The following SOX6 variants were observed in gnomAD, a reference collection of about 807,000 sequenced individuals.
SOX6 encodes the protein transcription factor SOX-6.
Under a neutral mutation model 97.8 loss-of-function variants are expected in SOX6, and 11 were observed. The observed-to-expected ratio is 0.11, with a 90% CI of 0.07 to 0.19. The LOEUF is 0.19. SOX6 is among the 10% of genes least tolerant of loss of function. SOX6 has a pLI of 1.00. For missense variants in SOX6, 810 were observed against 1,039.5 expected (o/e 0.78, Z 3.04); for synonymous variants, 360 against 371.4 (o/e 0.97, Z 0.35).
intron 9 of SOX6, among the ~76,000 whole-genome samples, chr11:16,066,519 GA>G (rs1457371649): frequency 6.6e-6 from 1 of 152,128 alleles, no homozygotes; most frequent in Non-Finnish European, 1.5e-5. Flanking sequence ...ATCAACAGAT[GA>G]ATGAGTAAAG....
chr11:16,098,169 A>C (rs1010764933), intron 7 of SOX6, among the ~76,000 whole-genome samples: 1 of 151,806 alleles, frequency 6.6e-6, no homozygotes, highest in Non-Finnish European at 1.5e-5. Context: ...AAAAATTAAA[A>C]AATACAACCT....
intron 1 of SOX6, among the ~76,000 whole-genome samples, chr11:16,437,622 A>AAGTCT (rs1395742812): frequency 6.6e-6 from 1 of 152,198 alleles, no homozygotes; most frequent in East Asian, 1.9e-4. Flanking sequence ...GCAATTCAGG[A>AAGTCT]CCCATAGCAT....
At chr11:16,020,125 C>G (rs1459229103) in intron 12 of SOX6, among the ~76,000 whole-genome samples, 2 of 152,184 alleles carry the variant, frequency 1.3e-5, no homozygotes, top group Non-Finnish European at 1.5e-5. Flanking sequence ...GCTTCCCCTC[C>G]TTTCCTGTGT....
At chr11:16,033,820 C>T (rs999092526) in intron 12 of SOX6, among the ~76,000 whole-genome samples, 4 of 151,668 alleles carry the variant, frequency 2.6e-5, no homozygotes, top group Admixed American at 2.0e-4. Flanking sequence ...TGTGGTGAGC[C>T]GAGATCGTGC....
chr11:16,243,750 ATAAAAATG>A (rs1244457250), intron 3 of SOX6, among the ~76,000 whole-genome samples: 8 of 151,986 alleles, frequency 5.3e-5, no homozygotes, highest in Non-Finnish European at 1.0e-4. Context: ...CTTGAATTTC[ATAAAAATG>A]AAAGTATACA....
intron 4 of SOX6, among the ~76,000 whole-genome samples, chr11:16,602,356 C>G (rs1590002493): frequency 1.3e-5 from 2 of 152,238 alleles, no homozygotes; most frequent in East Asian, 3.9e-4. Context: ...TATCGGGATC[C>G]TGCTTACTTA....
rs187261978 is a variant in SOX6 at position 16,499,786 on chromosome 11, A to C, written n.610-23398T>G. Reference sequence around the variant, plus strand: ...AAGAAGTTGAATCTCTGAATAGACCAATAACAGGCTCTGAAATTGAGGCAA... The same window carrying C: ...AAGAAGTTGAATCTCTGAATAGACCCATAACAGGCTCTGAAATTGAGGCAA... On this transcript the variant is annotated intron_variant and non_coding_transcript_variant, in intron 4 of 5. Transcript: ENST00000524520. Among the ~76,000 whole-genome samples the C allele has an allele frequency of 4.6e-3, 707 of 152,330 alleles. 9 individuals are homozygous for C. Among genetic ancestry groups the C allele is most frequent in the African/African-American group, 0.016 (668 of 41,582 alleles).
At chr11:16,065,567 G>C (rs184141585) in intron 9 of SOX6, among the ~76,000 whole-genome samples, 1 of 151,872 alleles carries the variant, frequency 6.6e-6, no homozygotes, top group Non-Finnish European at 1.5e-5. Context: ...AGGCACATAG[G>C]CCAATGGAAC....
chr11:16,061,679 C>T (rs1847959731), intron 9 of SOX6, among the ~76,000 whole-genome samples: 1 of 151,914 alleles, frequency 6.6e-6, no homozygotes, highest in South Asian at 2.1e-4. Context: ...CAGTATGGTA[C>T]TTGTGTAAAA....
intron 3 of SOX6, chr11:16,318,242 A>C: frequency 1.7e-6 from 1 of 599,958 alleles, no homozygotes. Flanking sequence ...AAATGCACAA[A>C]GTTTTAGAAA....
chr11:16,076,417 AAAAG>A (rs1421412530), intron 9 of SOX6, among the ~76,000 whole-genome samples: 29 of 152,044 alleles, frequency 1.9e-4, no homozygotes, highest in African/African-American at 6.7e-4. Context: ...AAAAAAAAAA[AAAAG>A]AACCCCAGTA....
At chr11:16,727,737 G>A (rs1848318301) in intron 2 of SOX6, among the ~76,000 whole-genome samples, 1 of 151,796 alleles carries the variant, frequency 6.6e-6, no homozygotes, top group East Asian at 1.9e-4. Context: ...CACATCCAGA[G>A]ACATATTACT....
chr11:16,053,380 G>C (rs908969545), intron 10 of SOX6, among the ~76,000 whole-genome samples: 8 of 151,910 alleles, frequency 5.3e-5, no homozygotes, highest in Non-Finnish European at 8.8e-5. Context: ...TGTTTATTTA[G>C]GATCTCTCCC....
intron 1 of SOX6, among the ~76,000 whole-genome samples, chr11:16,351,016 T>G (rs1434581324): frequency 6.6e-6 from 1 of 152,174 alleles, no homozygotes; most frequent in Non-Finnish European, 1.5e-5. Context: ...TTCTCTATAC[T>G]GTTTTTATCA....
intron 3 of SOX6, among the ~76,000 whole-genome samples, chr11:16,249,047 G>T (rs1421797931): frequency 6.6e-6 from 1 of 150,402 alleles, no homozygotes. Context: ...GTTGCAGTGA[G>T]CCAAGATCGC....
At chr11:16,136,027 C>T (rs1849951452) in intron 6 of SOX6, among the ~76,000 whole-genome samples, 1 of 151,970 alleles carries the variant, frequency 6.6e-6, no homozygotes, top group Non-Finnish European at 1.5e-5. Flanking sequence ...TGATCATTAG[C>T]ATTTTTTTTT....
rs143133529 is a variant in SOX6 at position 16,649,749 on chromosome 11, G to A, written n.430-37489C>T. Among the ~76,000 whole-genome samples, 1,083 of 151,906 alleles carry A rather than the reference G, an allele frequency of 7.1e-3. 9 individuals are homozygous for A. The highest frequency in any genetic ancestry group is 0.025 in the African/African-American group (1,033 of 41,446). ...AAAAGGTTTTAAGGCAACAATTAAC[G>A]TGATGAATAGAACAGTACATAACAT... On this transcript the variant is annotated intron_variant and non_coding_transcript_variant, in intron 3 of 5. Transcript: ENST00000524520.
chr11:16,066,598 A>C (rs1490960241), intron 9 of SOX6, among the ~76,000 whole-genome samples: 1 of 152,194 alleles, frequency 6.6e-6, no homozygotes, highest in East Asian at 1.9e-4. Flanking sequence ...CATTTGCAAC[A>C]ACATGATGGA....
chr11:16,136,211 G>C (rs940754246), intron 6 of SOX6, among the ~76,000 whole-genome samples: 3 of 151,768 alleles, frequency 2.0e-5, no homozygotes, highest in Non-Finnish European at 2.9e-5. Flanking sequence ...GTAGAGACGG[G>C]GTTTCACCAT....
Sources: gnomAD v4.1 joint callset for allele counts (sites outside exome capture counted in the v4.1 genomes callset) on GRCh38, gnomAD v4.1.1 for gene constraint, MANE v1.5 for transcripts, NCBI Gene and HGNC (gene_info 2026-07-23, HGNC 2026-07-21) for gene names.